EVI5L: variants seen among roughly 807,000 people sequenced by gnomAD.
The protein encoded by EVI5L is ecotropic viral integration site 5 like, also known as EVI5-like protein.
Under a neutral mutation model 106.1 loss-of-function variants are expected in EVI5L, and 30 were observed. The observed-to-expected ratio is 0.28, with a 90% confidence interval of 0.21 to 0.38. The LOEUF is 0.38. Among genes scored for constraint, EVI5L ranks in the 10% least tolerant of loss-of-function variants. The pLI, the probability that EVI5L is intolerant of heterozygous loss-of-function variation, is 1.00. For missense variants in EVI5L, 809 were observed against 1,098.0 expected (o/e 0.74, Z 3.72); for synonymous variants, 489 against 483.3 (o/e 1.01, Z -0.15).
At chr19:7,854,057 G>C (rs959150267) in intron 10 of EVI5L, among the ~76,000 whole-genome samples, 5 of 152,110 alleles carry the variant, frequency 3.3e-5, no homozygotes, top group Admixed American at 1.3e-4. Context: ...GGAGGCAGGT[G>C]GATCACTTGA....
Position 7,863,488 on chromosome 19 carries a change from C to A in EVI5L, c.2204C>A (p.Ala735Glu). ...DPLAFDGLSL[A>E]RHLDEDSLPS... is the part of the protein sequence containing the mutation. The stretch of plus-strand genomic sequence containing the variant: ...CTGGCTTTCGATGGGCTGAGCCTGG[C>A]GCGGCACTTGGACGAGGACTCGCTG... Residue 735 changes from alanine to glutamate, a missense_variant, in exon 20 of 20, where the codon GCG becomes GAG. Physicochemically the swap from Ala to Glu is moderately radical, Grantham distance 107. Coordinates refer to ENST00000538904, the MANE Select transcript of EVI5L (RefSeq NM_001159944.3). This position sits in a 1 kb window ranked among gnomAD's most constrained non-coding sequence, Gnocchi z 7.7. 1 of 1,577,596 alleles carries A rather than the reference C, an allele frequency of 6.3e-7. No individual in the cohort carries two copies. The highest frequency in any genetic ancestry group is 8.6e-7 in the Non-Finnish European group (1 of 1,162,954).
rs944923501 is a variant in EVI5L, at chr19:7,850,860, G to A, written c.754-574G>A. On this transcript the variant is annotated intron_variant, in intron 6 of 19. Transcript: ENST00000538904. The surrounding 1 kb of genome is among the most constrained non-coding windows in gnomAD (Gnocchi z 5.4). Reference sequence around the variant, plus strand: ...CAGGGCGCAGAGAGCCCCTGGCGCTGGGAGGAAGCCCGGGATCCTAACGCC... The same window carrying A: ...CAGGGCGCAGAGAGCCCCTGGCGCTAGGAGGAAGCCCGGGATCCTAACGCC... 1.3e-5 allele frequency among the ~76,000 whole-genome samples: 2 copies of A among 152,212 alleles called. No individual in the cohort carries two copies. Among genetic ancestry groups the A allele is most frequent in the African/African-American group, 4.8e-5 (2 of 41,450 alleles).
intron 10 of EVI5L, 191 bp downstream of exon 10, chr19:7,853,524 G>A: frequency 4.2e-6 from 3 of 707,908 alleles, no homozygotes; most frequent in Non-Finnish European, 6.9e-6. Context: ...CGCCTCCCCC[G>A]CCTGACGCCG....
intron 1 of EVI5L, among the ~76,000 whole-genome samples, chr19:7,842,581 A>G (rs990967033): frequency 7.0e-6 from 1 of 142,454 alleles, no homozygotes; most frequent in African/African-American, 2.6e-5. Flanking sequence ...GTGTGCATGT[A>G]TCAAGCATGT....
intron 1 of EVI5L, among the ~76,000 whole-genome samples, chr19:7,842,760 G>A (rs1336271981): frequency 1.3e-5 from 1 of 79,116 alleles, no homozygotes. Context: ...TACTGGGTGT[G>A]TGTGTATATG....
In EVI5L at chr19:7,851,525, C is replaced by T. The variant is rs1243346559; in HGVS notation, c.845C>T (p.Thr282Ile). ...ASSWFLTLFL[T>I]TFPLPVATRV... Reference sequence around the variant, plus strand: ...TCCTGGTTCCTCACACTGTTCCTGACCACCTTCCCACTCCCCGTCGCCACC... The same window carrying T: ...TCCTGGTTCCTCACACTGTTCCTGATCACCTTCCCACTCCCCGTCGCCACC... The change falls in exon 7 of 20, where the codon ACC becomes ATC. Residue 282 changes from threonine (T) to isoleucine (I), a missense_variant. Transcript: ENST00000538904. The T allele has an allele frequency of 1.2e-6, 2 of 1,613,298 alleles. No homozygotes were observed. The highest frequency in any genetic ancestry group is 8.5e-7 in the Non-Finnish European group (1 of 1,179,664).
chr19:7,861,975 G>C lies in EVI5L; in HGVS notation c.1601G>C (p.Arg534Pro). 6.5e-7 allele frequency: 1 copy of C among 1,549,736 alleles called. No homozygotes were observed. The highest frequency in any genetic ancestry group is 8.7e-7 in the Non-Finnish European group (1 of 1,146,814). Reference protein sequence around the residue: ...VREGQAVASTRELKLQLQELS... With the variant: ...VREGQAVASTPELKLQLQELS... The stretch of plus-strand genomic sequence containing the variant: ...GAAGGCCAGGCGGTGGCCTCGACGC[G>C]AGAGCTTAAACTGCAGCTGCAGGAG... The change falls in exon 15 of 20, where the codon CGA (arginine) becomes CCA (proline). Residue 534 changes from arginine (R) to proline (P), a missense_variant. Coordinates refer to ENST00000538904, the MANE Select transcript of EVI5L (RefSeq NM_001159944.3).
intron 1 of EVI5L, among the ~76,000 whole-genome samples, chr19:7,844,913 G>A (rs964827533): frequency 1.3e-5 from 2 of 152,216 alleles, no homozygotes; most frequent in Non-Finnish European, 2.9e-5. Flanking sequence ...GAGGACTGGG[G>A]TGGCCAGGGT....
At chr19:7,855,432 T>C (rs540818930) in intron 10 of EVI5L, among the ~76,000 whole-genome samples, 8 of 152,266 alleles carry the variant, frequency 5.3e-5, no homozygotes, top group South Asian at 2.1e-4. Context: ...CAGCACAGAA[T>C]GGAAGGCAGG....
rs1387960595 is a variant in EVI5L, at chr19:7,856,660, G to GGTTGCC, written c.1201-431_1201-426dup. The stretch of plus-strand genomic sequence containing the variant: ...AGGAAGTGGGTTGGCAGCCGGATTT[G>GGTTGCC]GTTGCCCTCACCCCAAAGCCTTGTT... On this transcript the variant is annotated intron_variant, in intron 11 of 19. Transcript: ENST00000538904. This position sits in a 1 kb window ranked among gnomAD's most constrained non-coding sequence, Gnocchi z 6.6. Among the ~76,000 whole-genome samples, 5 of 152,042 alleles carry GGTTGCC rather than the reference G, an allele frequency of 3.3e-5. No homozygotes were observed. Among genetic ancestry groups the GGTTGCC allele is most frequent in the Admixed American group, 2.0e-4 (3 of 15,274 alleles).
At position 7,845,485 on chromosome 19, in the gene EVI5L, G is replaced by A. The variant is rs1408640770; in HGVS notation, c.-47-1011G>A. On this transcript the variant is annotated intron_variant, in intron 1 of 19. Coordinates refer to ENST00000538904, the MANE Select transcript of EVI5L (RefSeq NM_001159944.3). This position sits in a 1 kb window ranked among gnomAD's most constrained non-coding sequence, Gnocchi z 4.0. ...CCGATGTCCGTGGGGCCATCACTGA[G>A]TGTCAGGCTCTGTTCTGACCAGGTT... Among the ~76,000 whole-genome samples the A allele has an allele frequency of 2.0e-5, 3 of 152,226 alleles. No homozygotes were observed. The highest frequency in any genetic ancestry group is 7.2e-5 in the African/African-American group (3 of 41,442).
intron 2 of EVI5L, among the ~76,000 whole-genome samples, chr19:7,847,155 G>T (rs765799337): frequency 6.6e-5 from 10 of 152,132 alleles, no homozygotes; most frequent in Non-Finnish European, 1.0e-4. Flanking sequence ...AGCTGGGCAT[G>T]GTGGTGGGTG....
intron 1 of EVI5L, among the ~76,000 whole-genome samples, chr19:7,836,373 C>T (rs1182753473): frequency 1.3e-5 from 2 of 152,346 alleles, no homozygotes; most frequent in African/African-American, 2.4e-5. Context: ...CCTCTCTCAC[C>T]GTTGAAAAAT....
chr19:7,860,415 C>A, intron 13 of EVI5L, 146 bp from the exon 14 acceptor site: 1 of 620,650 alleles, frequency 1.6e-6, no homozygotes, highest in Non-Finnish European at 2.7e-6. Context: ...CCCTGAGCAT[C>A]AGGGGGTCCA....
Position 7,863,130 on chromosome 19 carries a change from C to T in EVI5L, c.2044-55C>T. The T allele has an allele frequency of 2.0e-6, 3 of 1,536,776 alleles. No individual in the cohort carries two copies. The highest frequency in any genetic ancestry group is 2.5e-5 in the East Asian group (1 of 40,272). On this transcript the variant is annotated intron_variant, in intron 18 of 19. Transcript: ENST00000538904. This position sits in a 1 kb window ranked among gnomAD's most constrained non-coding sequence, Gnocchi z 7.7. ...GGCAGGGCCCGGGGCAGGAGCGGGG[C>T]CGGACCCCAGGCCCAGCATGGCACT...
chr19:7,843,941 A>G (rs1249002550), intron 1 of EVI5L, among the ~76,000 whole-genome samples: 1 of 152,068 alleles, frequency 6.6e-6, no homozygotes, highest in African/African-American at 2.4e-5. Flanking sequence ...TGCAAGTTTC[A>G]GCCCTGTGTA....
rs1307736475 is a variant in EVI5L at position 7,862,905 on chromosome 19, G to C, written c.1948-67G>C. 3 of 1,153,772 alleles carry C rather than the reference G, an allele frequency of 2.6e-6. No homozygotes were observed. In the African/African-American group the frequency reaches 4.9e-5, roughly 19 times the overall value. The allele number at this position is 1,153,772 out of a possible 1,614,324, so 71.5% of individuals were successfully genotyped here. On this transcript the variant is annotated intron_variant, in intron 17 of 19. Coordinates refer to ENST00000538904, the MANE Select transcript of EVI5L (RefSeq NM_001159944.3). ...CGCCTCCTCATTCGCCCCTGCCCGC[G>C]GTCCCGCCCCCTGATGCGCCGCGCC... is the stretch of plus-strand genomic sequence containing the variant.
chr19:7,854,305 A>G (rs1179797037), intron 10 of EVI5L, among the ~76,000 whole-genome samples: 1 of 128,696 alleles, frequency 7.8e-6, no homozygotes, highest in Non-Finnish European at 1.7e-5. Flanking sequence ...AAAGAAAAGA[A>G]AAGAAAAAAA....
intron 17 of EVI5L, 49 bp downstream of exon 17, chr19:7,862,583 C>T: frequency 2.2e-6 from 3 of 1,359,478 alleles, no homozygotes; most frequent in Non-Finnish European, 1.9e-6. Context: ...CCCCCGGACG[C>T]GCCCCTACAT....
Sources: allele counts gnomAD v4.1 joint callset (sites outside exome capture counted in the v4.1 genomes callset), GRCh38; gene constraint gnomAD v4.1.1; non-coding constraint Gnocchi (gnomAD v3.1); transcripts MANE v1.5; gene names NCBI Gene and HGNC (gene_info 2026-07-23, HGNC 2026-07-21).